Variants in PLA2G6 observed in about 807,000 individuals in gnomAD.
PLA2G6 encodes the protein 85/88 kDa calcium-independent phospholipase A2.
PLA2G6 carries 62 observed loss-of-function variants against 83.8 expected under a neutral mutation model. The ratio of observed to expected loss-of-function variants is 0.74; its 90% CI spans 0.60 to 0.91. The LOEUF is 0.91. PLA2G6 is among the 40% of genes least tolerant of loss of function. The probability of loss-of-function intolerance (pLI) is 0.00; values close to 1 mark genes in which losing one functional copy is unlikely to be tolerated. For synonymous variants in PLA2G6, 417 were observed against 449.8 expected (o/e 0.93, Z 0.92); for missense variants, 944 against 1,102.0 (o/e 0.86, Z 2.03).
rs768493163 is a variant in PLA2G6 at position 38,145,212 on chromosome 22, T to C, written c.425+226A>G. 220 of 582,810 alleles carry C rather than the reference T, an allele frequency of 3.8e-4. 1 individual carries two copies. Among genetic ancestry groups the C allele is most frequent in the Non-Finnish European group, 6.2e-4 (203 of 325,670 alleles). The allele number at this position is 582,810 out of a possible 1,614,324, so 36.1% of individuals were successfully genotyped here. On this transcript the variant is annotated intron_variant, in intron 3 of 16. Transcript: ENST00000332509. ...ACATGCTAATTTTTTAATTTTTTCGTAGAGACAAGGTCTTGCTATTTTGCC... is the reference window on the plus strand; with the variant it reads ...ACATGCTAATTTTTTAATTTTTTCGCAGAGACAAGGTCTTGCTATTTTGCC...
chr22:38,126,447 G>A lies in PLA2G6; in HGVS notation c.1351C>T (p.Leu451=). The change falls in exon 10 of 17, where the codon CTA becomes TTA. Residue 451 remains leucine (L), a splice_region_variant and synonymous_variant. Coordinates refer to ENST00000332509, the MANE Select transcript of PLA2G6 (RefSeq NM_003560.4). ...CGTGAGATGTGCATGAGATCCTGTA[G>A]TTCTGTGAGGCACAGAGCAGGGCAT... ...PPPISLNNLE[L]QDLMHISRAR... 6.2e-7 allele frequency: 1 copy of A among 1,612,642 alleles called. No homozygotes were observed.
Position 38,128,029 on chromosome 22 carries a change from G to A in PLA2G6, c.1348+240C>T, listed in dbSNP as rs962984482. 3 of 562,374 alleles carry A rather than the reference G, an allele frequency of 5.3e-6. No homozygotes were observed. In the African/African-American group the frequency reaches 5.6e-5, roughly 11 times the overall value. The allele number at this position is 562,374 out of a possible 1,614,324, so 34.8% of individuals were successfully genotyped here. On this transcript the variant is annotated intron_variant, in intron 9 of 16. Transcript: ENST00000332509. The surrounding 1 kb of genome is among the most constrained non-coding windows in gnomAD (Gnocchi z 4.4). ...TGCCACTGGAAATGCCCAGGCCTGA[G>A]ACTGTGTGCAGGACACATCCTCTCA...
chr22:38,181,462 G>T (rs1014222082), intron 1 of PLA2G6, among the ~76,000 whole-genome samples: 8 of 152,104 alleles, frequency 5.3e-5, no homozygotes, highest in African/African-American at 1.7e-4. Flanking sequence ...ATTGACTCGG[G>T]AAGTTAGGGA....
chr22:38,125,171 TGCATGTGTATGTGTGC>T (rs1159691808), intron 10 of PLA2G6, among the ~76,000 whole-genome samples: 45 of 152,232 alleles, frequency 3.0e-4, no homozygotes, highest in East Asian at 5.8e-4. Flanking sequence ...TGTGCATGCA[TGCATGTGTATGTGTGC>T]GCATGTGTAT....
chr22:38,114,474 T>C (rs2087067976), intron 14 of PLA2G6, among the ~76,000 whole-genome samples: 1 of 152,208 alleles, frequency 6.6e-6, no homozygotes, highest in South Asian at 2.1e-4. Context: ...CGTGAGCCGC[T>C]GCGCCCGGCC....
At chr22:38,145,833 ACC>A (rs1370786165) in intron 2 of PLA2G6, 180 bp from the exon 3 acceptor site, 25 of 595,112 alleles carry the variant, frequency 4.2e-5, no homozygotes, top group African/African-American at 2.0e-5. Context: ...ACACACACAC[ACC>A]CCTATACACA....
chr22:38,157,832 C>T (rs1050245522), intron 2 of PLA2G6, among the ~76,000 whole-genome samples: 2 of 151,970 alleles, frequency 1.3e-5, no homozygotes, highest in African/African-American at 4.8e-5. Context: ...GGTCAGGTGT[C>T]GAGACCAGCC....
rs1380835412 is a variant in PLA2G6 at position 38,121,081 on chromosome 22, G to C, written c.1592-172C>G. The C allele has an allele frequency of 1.1e-4, 72 of 644,742 alleles. No individual in the cohort carries two copies. In the East Asian group the frequency reaches 1.8e-3, roughly 16 times the overall value. The allele number at this position is 644,742 out of a possible 1,614,324, so 39.9% of individuals were successfully genotyped here. A position where few individuals can be genotyped will look rare whatever the true frequency, so the allele number is the denominator to read the frequency against. Reference sequence around the variant, plus strand: ...CTTTGCAACCTCCCAGACAGACAGAGAGAAACCTCCTTCCGGCTGGACATG... The same window carrying C: ...CTTTGCAACCTCCCAGACAGACAGACAGAAACCTCCTTCCGGCTGGACATG... On this transcript the variant is annotated intron_variant, in intron 11 of 16. Transcript: ENST00000332509.
intron 11 of PLA2G6, among the ~76,000 whole-genome samples, chr22:38,121,873 T>G (rs9619724): frequency 0.43 from 64,891 of 152,004 alleles, 14,288 homozygotes; most frequent in South Asian, 0.58. Flanking sequence ...GAGGCTGGGG[T>G]AGAGAGCTGG....
intron 1 of PLA2G6, among the ~76,000 whole-genome samples, chr22:38,172,579 A>G (rs1048665793): frequency 6.6e-6 from 1 of 152,248 alleles, no homozygotes; most frequent in South Asian, 2.1e-4. Context: ...TTTCAAAGGA[A>G]GTAGCAGTAT....
At chr22:38,150,991 G>C (rs917774226) in intron 2 of PLA2G6, among the ~76,000 whole-genome samples, 1 of 152,166 alleles carries the variant, frequency 6.6e-6, no homozygotes, top group Non-Finnish European at 1.5e-5. Context: ...GGAGGTTGAG[G>C]GAGGAGAATC....
At chr22:38,143,571 C>G (rs2145820849) in intron 3 of PLA2G6, 1 of 540,160 alleles carries the variant, frequency 1.9e-6, no homozygotes, top group Non-Finnish European at 3.4e-6. Flanking sequence ...GAAAGGGTCA[C>G]AGAACACGGA....
rs765446322 is a variant in PLA2G6 at position 38,112,203 on chromosome 22, G to C, written c.2379C>G (p.Arg793=). Residue 793 remains arginine (R), a synonymous_variant, in exon 17 of 17, where the codon CGC becomes CGG. Transcript: ENST00000332509. The stretch of plus-strand genomic sequence containing the variant: ...GCTGGATGAGCTTCTGGAACTCCTC[G>C]CGGTGCTCATAGATGTAGACCTCGG... ...WETEVYIYEH[R]EEFQKLIQLL... 3.1e-6 allele frequency: 5 copies of C among 1,606,638 alleles called. No homozygotes were observed. The highest frequency in any genetic ancestry group is 4.2e-6 in the Non-Finnish European group (5 of 1,176,870).
intron 3 of PLA2G6, chr22:38,144,637 A>T (rs1425401791): frequency 7.6e-6 from 1 of 130,938 alleles, no homozygotes; most frequent in Middle Eastern, 4.3e-3. Context: ...CGTCTCAAAA[A>T]AAAAAAAAAA....
chr22:38,139,908 C>A, intron 5 of PLA2G6, 74 bp downstream of exon 5: 1 of 1,235,766 alleles, frequency 8.1e-7, no homozygotes, highest in South Asian at 1.3e-5. Flanking sequence ...ATACTGCTTG[C>A]CTCAGGCACG....
chr22:38,112,682 G>T, intron 15 of PLA2G6, 105 bp from the exon 16 acceptor site: 2 of 977,820 alleles, frequency 2.0e-6, no homozygotes, highest in South Asian at 2.7e-5. Flanking sequence ...GGGAGCCCCA[G>T]GCTCTTTCGA....
intron 2 of PLA2G6, among the ~76,000 whole-genome samples, chr22:38,167,717 G>A (rs1010634065): frequency 4.6e-5 from 7 of 152,222 alleles, no homozygotes; most frequent in African/African-American, 1.7e-4. Flanking sequence ...GGGTGCCTCT[G>A]CCTCAGGTTC....
At chr22:38,167,910 G>C (rs952111072) in intron 2 of PLA2G6, 2 of 169,650 alleles carry the variant, frequency 1.2e-5, no homozygotes, top group African/African-American at 4.8e-5. Flanking sequence ...CCAAAGCCCT[G>C]CATGCACCTG....
chr22:38,114,556 A>C (rs2087073165), intron 14 of PLA2G6, among the ~76,000 whole-genome samples: 1 of 151,842 alleles, frequency 6.6e-6, no homozygotes, highest in African/African-American at 2.4e-5. Context: ...GATGCCTCCC[A>C]CTCTGGGTCC....
Sources: gnomAD v4.1 joint callset for allele counts (sites outside exome capture counted in the v4.1 genomes callset) on GRCh38, gnomAD v4.1.1 for gene constraint, Gnocchi (gnomAD v3.1) non-coding constraint, MANE v1.5 for transcripts, NCBI Gene and HGNC (gene_info 2026-07-23, HGNC 2026-07-21) for gene names.